GPSM1: variants seen among roughly 807,000 people sequenced by gnomAD.
GPSM1 encodes G protein-signaling modulator 1.
A neutral mutation model predicts 70.5 loss-of-function variants in GPSM1; 48 were observed. The observed-to-expected ratio is 0.68, with a 90% CI of 0.54 to 0.87. The LOEUF is 0.87. GPSM1 is among the 40% of genes least tolerant of loss of function. The pLI, the probability that GPSM1 is intolerant of heterozygous loss-of-function variation, is 0.00. For synonymous variants in GPSM1, 416 were observed against 430.1 expected, an observed-to-expected ratio of 0.97 and a Z score of 0.41; for missense variants, 981 against 972.6, an observed-to-expected ratio of 1.01 and a Z score of -0.11.
At chr9:136,344,254 CA>C (rs1554770852) in intron 9 of GPSM1, among the ~76,000 whole-genome samples, 1 of 143,064 alleles carries the variant, frequency 7.0e-6, no homozygotes, top group African/African-American at 2.6e-5. Context: ...CAGACAGGAG[CA>C]GGGGAGGCGC....
At chr9:136,332,392 G>A (rs1195021757) in intron 1 of GPSM1, among the ~76,000 whole-genome samples, 9 of 152,328 alleles carry the variant, frequency 5.9e-5, no homozygotes, top group Middle Eastern at 3.4e-3. Context: ...AGCCTCCTTC[G>A]CCTTGAGCCT....
chr9:136,332,238 G>T (rs568796176), intron 1 of GPSM1: 1 of 398,704 alleles, frequency 2.5e-6, no homozygotes, highest in Non-Finnish European at 4.4e-6. Flanking sequence ...AGGCTGTCTT[G>T]GGATGAGTGG....
intron 1 of GPSM1, among the ~76,000 whole-genome samples, chr9:136,332,410 C>T (rs1479878603): frequency 1.3e-5 from 2 of 152,254 alleles, no homozygotes; most frequent in African/African-American, 4.8e-5. Flanking sequence ...CCTCGGATGC[C>T]ACGTCTCCGG....
chr9:136,338,545 C>A lies in GPSM1; in HGVS notation c.819-10C>A. On this transcript the variant is annotated splice_polypyrimidine_tract_variant and intron_variant, in intron 6 of 13. Transcript: ENST00000440944. ...CTCCTCCTGGGGGCTGACCCTGCCA[C>A]TCTGCACAGGAAGACGCTGCAACTG... is the stretch of plus-strand genomic sequence containing the variant. 1.2e-6 allele frequency: 2 copies of A among 1,607,972 alleles called. No homozygotes were observed. The highest frequency in any genetic ancestry group is 2.2e-5 in the South Asian group (2 of 90,536).
rs1387984824 is a variant in GPSM1 at position 136,340,149 on chromosome 9, G to A, written c.1083+334G>A. 2.6e-5 allele frequency among the ~76,000 whole-genome samples: 4 copies of A among 152,146 alleles called. No individual in the cohort carries two copies. The highest frequency in any genetic ancestry group is 5.9e-5 in the Non-Finnish European group (4 of 68,012). On this transcript the variant is annotated intron_variant, in intron 8 of 13. Transcript: ENST00000440944. The surrounding 1 kb of genome is among the most constrained non-coding windows in gnomAD (Gnocchi z 7.3). Reference sequence around the variant, plus strand: ...ATGAACTGTGGGCCTCCCGGCTCCCGGCCTGTCCTTACATCACCCACTCCC... The same window carrying A: ...ATGAACTGTGGGCCTCCCGGCTCCCAGCCTGTCCTTACATCACCCACTCCC...
At chr9:136,348,977 T>C (rs1195707225) in intron 10 of GPSM1, among the ~76,000 whole-genome samples, 1 of 152,206 alleles carries the variant, frequency 6.6e-6, no homozygotes, top group Non-Finnish European at 1.5e-5. Context: ...AGGCGAGGCA[T>C]GGTCCTCACA....
intron 1 of GPSM1, among the ~76,000 whole-genome samples, chr9:136,333,348 G>C (rs1471832673): frequency 1.3e-5 from 2 of 152,000 alleles, no homozygotes; most frequent in African/African-American, 4.8e-5. Flanking sequence ...ACCTGTAAGA[G>C]TAGGATGGAG....
At chr9:136,354,364 G>A (rs1317990720) in intron 11 of GPSM1, among the ~76,000 whole-genome samples, 6 of 152,176 alleles carry the variant, frequency 3.9e-5, no homozygotes, top group African/African-American at 1.4e-4. Flanking sequence ...TCAGGTGTCG[G>A]GAATTCCAGT....
intron 11 of GPSM1, among the ~76,000 whole-genome samples, chr9:136,351,024 G>A (rs1200980276): frequency 6.6e-6 from 1 of 152,208 alleles, no homozygotes; most frequent in Non-Finnish European, 1.5e-5. Flanking sequence ...CGGGTTCGGA[G>A]GTCAGCCTGG....
chr9:136,328,805 G>A (rs777708247), intron 1 of GPSM1, among the ~76,000 whole-genome samples: 1 of 152,200 alleles, frequency 6.6e-6, no homozygotes, highest in African/African-American at 2.4e-5. Context: ...ACGCAGGGGA[G>A]GGGCGTGAGG....
chr9:136,354,979 C>T (rs1832775555), intron 11 of GPSM1: 2 of 1,076,038 alleles, frequency 1.9e-6, no homozygotes, highest in Non-Finnish European at 2.3e-6. Flanking sequence ...TGGGGTAGCA[C>T]CCATGAGAGG....
intron 1 of GPSM1, among the ~76,000 whole-genome samples, chr9:136,331,258 G>T (rs1832091225): frequency 6.6e-6 from 1 of 152,020 alleles, no homozygotes; most frequent in African/African-American, 2.4e-5. Context: ...GCCCCACGTG[G>T]CCCTGACCCC....
intron 7 of GPSM1, 133 bp from the exon 8 acceptor site, chr9:136,339,574 C>T: frequency 1.6e-6 from 1 of 627,918 alleles, no homozygotes. Flanking sequence ...CCGGCCAATG[C>T]CCCTTGGGCC....
intron 9 of GPSM1, among the ~76,000 whole-genome samples, chr9:136,344,782 G>A (rs1167299832): frequency 6.6e-6 from 1 of 152,234 alleles, no homozygotes; most frequent in African/African-American, 2.4e-5. Flanking sequence ...GAGACTGTCT[G>A]GAGCTGACGG....
At chr9:136,332,367 C>G (rs1832121312) in intron 1 of GPSM1, among the ~76,000 whole-genome samples, 1 of 152,232 alleles carries the variant, frequency 6.6e-6, no homozygotes, top group Non-Finnish European at 1.5e-5. Context: ...AGGCCCAGGC[C>G]CTTCCCAGGC....
chr9:136,345,383 G>A (rs149050241), intron 9 of GPSM1, among the ~76,000 whole-genome samples: 1,796 of 152,322 alleles, frequency 0.012, 31 homozygotes, highest in African/African-American at 0.041. Context: ...AGCCAAGGGC[G>A]CTGGACTCAC....
chr9:136,354,136 C>G (rs1282125654), intron 11 of GPSM1, among the ~76,000 whole-genome samples: 1 of 152,142 alleles, frequency 6.6e-6, no homozygotes, highest in Non-Finnish European at 1.5e-5. Context: ...CAGCTGGGGA[C>G]TGACTCCAGG....
intron 2 of GPSM1, among the ~76,000 whole-genome samples, chr9:136,335,575 C>T (rs1406280077): frequency 6.6e-6 from 1 of 152,208 alleles, no homozygotes; most frequent in African/African-American, 2.4e-5. Context: ...ACCAAACGTC[C>T]TCTGAATGAG....
chr9:136,346,320 A>G (rs1832521316), intron 9 of GPSM1, among the ~76,000 whole-genome samples: 1 of 152,126 alleles, frequency 6.6e-6, no homozygotes, highest in Non-Finnish European at 1.5e-5. Context: ...GAGGCGGAAG[A>G]CCAGCCTGGG....
Sources: gnomAD v4.1 joint callset for allele counts (sites outside exome capture counted in the v4.1 genomes callset) on GRCh38, gnomAD v4.1.1 for gene constraint, Gnocchi (gnomAD v3.1) non-coding constraint, MANE v1.5 for transcripts, NCBI Gene and HGNC (gene_info 2026-07-23, HGNC 2026-07-21) for gene names.